The following KCNAB1 variants were observed in gnomAD, a reference collection of about 807,000 sequenced individuals.
The protein encoded by KCNAB1 is potassium voltage-gated channel subfamily A regulatory beta subunit 1, also known as voltage-gated potassium channel subunit beta-1.
Under a neutral mutation model 64.6 loss-of-function variants are expected in KCNAB1, and 35 were observed. The observed-to-expected ratio is 0.54, with a 90% CI of 0.41 to 0.72. The LOEUF is 0.72. Ranked by LOEUF, KCNAB1 falls within the 30% of genes least tolerant of loss-of-function variation. The pLI, the probability that KCNAB1 is intolerant of heterozygous loss-of-function variation, is 0.00. For missense variants in KCNAB1, 401 were observed against 512.9 expected, an observed-to-expected ratio of 0.78 and a Z score of 2.11; for synonymous variants, 177 against 183.8, an observed-to-expected ratio of 0.96 and a Z score of 0.30.
At chr3:156,225,258 G>A (rs549426361) in intron 1 of KCNAB1, among the ~76,000 whole-genome samples, 60 of 152,292 alleles carry the variant, frequency 3.9e-4, no homozygotes, top group Non-Finnish European at 7.1e-4. Flanking sequence ...TGCAGGGATG[G>A]TTTAACATAC....
intron 1 of KCNAB1, among the ~76,000 whole-genome samples, chr3:156,319,711 A>AT (rs1311393021): frequency 1.3e-5 from 2 of 152,062 alleles, no homozygotes; most frequent in Admixed American, 6.5e-5. Context: ...CTATATCTAC[A>AT]TTTTTTCCCT....
chr3:156,193,738 C>T (rs1384000404), intron 1 of KCNAB1, among the ~76,000 whole-genome samples: 1 of 152,116 alleles, frequency 6.6e-6, no homozygotes, highest in Non-Finnish European at 1.5e-5. Flanking sequence ...ATCCAAACAC[C>T]TCCTACCAGG....
intron 1 of KCNAB1, among the ~76,000 whole-genome samples, chr3:156,283,580 C>A (rs1719885165): frequency 6.6e-6 from 1 of 151,788 alleles, no homozygotes; most frequent in Non-Finnish European, 1.5e-5. Context: ...TGGTTCCATT[C>A]TCCCCATCAC....
chr3:156,310,642 A>G (rs1433440901), intron 1 of KCNAB1, among the ~76,000 whole-genome samples: 2 of 152,116 alleles, frequency 1.3e-5, no homozygotes, highest in East Asian at 3.9e-4. Context: ...TCTCTACTAA[A>G]AAGTACAAAA....
intron 1 of KCNAB1, among the ~76,000 whole-genome samples, chr3:156,272,624 A>T (rs1274457954): frequency 6.6e-6 from 1 of 151,950 alleles, no homozygotes; most frequent in African/African-American, 2.4e-5. Flanking sequence ...CCTCTGGCTC[A>T]GGGTAGGTTC....
At chr3:156,182,720 C>T (rs1399199026) in intron 1 of KCNAB1, among the ~76,000 whole-genome samples, 85 of 79,000 alleles carry the variant, frequency 1.1e-3, no homozygotes, top group Non-Finnish European at 1.9e-3. Context: ...TTTTATTTTG[C>T]GGAGTCTCTC....
chr3:156,539,093 A>AAAAAG (rs1719290388), downstream of KCNAB1: 1 of 152,198 alleles, frequency 6.6e-6, no homozygotes, highest in South Asian at 2.1e-4. Context: ...TTTCTCTTCC[A>AAAAAG]AAAAGAATTC....
intron 12 of KCNAB1, among the ~76,000 whole-genome samples, chr3:156,524,754 A>C (rs1718196352): frequency 1.0e-5 from 1 of 95,720 alleles, no homozygotes; most frequent in Non-Finnish European, 2.2e-5. Flanking sequence ...CTCAAAAAAA[A>C]AAAAAAAAAA....
chr3:156,153,395 G>A (rs9828163), intron 1 of KCNAB1, among the ~76,000 whole-genome samples: 2,453 of 152,254 alleles, frequency 0.016, 71 homozygotes, highest in African/African-American at 0.056. Context: ...TTTCTTCTGA[G>A]ATATCCATTT....
chr3:156,182,673 G>T, intron 1 of KCNAB1, among the ~76,000 whole-genome samples: 1 of 148,250 alleles, frequency 6.7e-6, no homozygotes. Context: ...GTCCCAACAA[G>T]GTATCTTCCT....
chr3:156,380,937 A>C (rs911092344), intron 1 of KCNAB1, among the ~76,000 whole-genome samples: 11 of 152,178 alleles, frequency 7.2e-5, no homozygotes, highest in Non-Finnish European at 1.5e-4. Context: ...AGCCACTATA[A>C]TAGTGCATTA....
At chr3:156,192,423 A>T (rs966910632) in intron 1 of KCNAB1, among the ~76,000 whole-genome samples, 12 of 152,144 alleles carry the variant, frequency 7.9e-5, no homozygotes, top group African/African-American at 2.2e-4. Context: ...AATATAATTT[A>T]TTTTGGTAAA....
At chr3:156,300,204 TA>T (rs773698107) in intron 1 of KCNAB1, among the ~76,000 whole-genome samples, 69 of 151,268 alleles carry the variant, frequency 4.6e-4, no homozygotes, top group African/African-American at 1.6e-3. Flanking sequence ...CCATCCAAGG[TA>T]AAAAAAAATA....
intron 1 of KCNAB1, among the ~76,000 whole-genome samples, chr3:156,182,695 A>ATTTTTTTTTTTTTTTTTTTTTTTTTTTT (rs10624040): frequency 7.5e-6 from 1 of 132,720 alleles, no homozygotes; most frequent in Non-Finnish European, 1.6e-5. Context: ...AAGTAAGACA[A>ATTTTTTTTTTTTTTTTTTTTTTTTTTTT]TTTTTTTTTT....
intron 1 of KCNAB1, among the ~76,000 whole-genome samples, chr3:156,142,749 T>C (rs1412631146): frequency 6.6e-6 from 1 of 152,206 alleles, no homozygotes; most frequent in African/African-American, 2.4e-5. Flanking sequence ...AGAAGTCTCA[T>C]TACATACTCA....
intron 1 of KCNAB1, among the ~76,000 whole-genome samples, chr3:156,284,103 T>A (rs1719923619): frequency 6.6e-6 from 1 of 152,226 alleles, no homozygotes; most frequent in African/African-American, 2.4e-5. Flanking sequence ...GGTTTTTATC[T>A]ACTTTTGGTC....
intron 1 of KCNAB1, among the ~76,000 whole-genome samples, chr3:156,327,789 TGATTAAGAC>T: frequency 6.6e-6 from 1 of 152,144 alleles, no homozygotes; most frequent in East Asian, 1.9e-4. Flanking sequence ...TTTCAGGAGA[TGATTAAGAC>T]AACAGGAGGC....
At chr3:156,241,650 T>C (rs1352343363) in intron 1 of KCNAB1, among the ~76,000 whole-genome samples, 1 of 152,210 alleles carries the variant, frequency 6.6e-6, no homozygotes, top group Non-Finnish European at 1.5e-5. Flanking sequence ...GCTTCTGTGG[T>C]GCTGCTCTTC....
chr3:156,254,313 A>G (rs1418365231), intron 1 of KCNAB1, among the ~76,000 whole-genome samples: 1 of 152,300 alleles, frequency 6.6e-6, no homozygotes. Context: ...ATGGGATGTC[A>G]CCTTGAGGTC....
Sources: gnomAD v4.1 joint callset for allele counts (sites outside exome capture counted in the v4.1 genomes callset) on GRCh38, gnomAD v4.1.1 for gene constraint, MANE v1.5 for transcripts, NCBI Gene and HGNC (gene_info 2026-07-23, HGNC 2026-07-21) for gene names.